The following GPC5 variants were observed in gnomAD, a reference collection of about 807,000 sequenced individuals.
The protein encoded by GPC5 is glypican-5.
Under a neutral mutation model 53.9 loss-of-function variants are expected in GPC5, and 47 were observed. That is an observed-to-expected ratio of 0.87 (90% CI 0.69 to 1.11). GPC5 has a LOEUF of 1.11. GPC5 is among the 50% of genes most tolerant of loss of function. GPC5 has a pLI of 0.00. For missense variants in GPC5, 748 were observed against 713.1 expected (o/e 1.05, Z -0.56); for synonymous variants, 286 against 263.3 (o/e 1.09, Z -0.84).
intron 7 of GPC5, among the ~76,000 whole-genome samples, chr13:92,474,756 C>T (rs1362151800): frequency 2.6e-5 from 4 of 151,982 alleles, no homozygotes; most frequent in Admixed American, 2.6e-4. Context: ...TTCAGAGTAA[C>T]ATAATCCCAA....
chr13:92,321,103 A>T (rs983876119), intron 7 of GPC5, among the ~76,000 whole-genome samples: 4 of 152,152 alleles, frequency 2.6e-5, no homozygotes, highest in Non-Finnish European at 5.9e-5. Flanking sequence ...TACTCAGGCT[A>T]CCTTTTAACA....
At chr13:91,496,591 T>A (rs186610290) in intron 2 of GPC5, among the ~76,000 whole-genome samples, 1 of 152,080 alleles carries the variant, frequency 6.6e-6, no homozygotes, top group Admixed American at 6.6e-5. Flanking sequence ...ATTGAACTTA[T>A]GGACATAGAG....
chr13:92,065,190 G>C (rs1368877690), intron 6 of GPC5, among the ~76,000 whole-genome samples: 2 of 152,066 alleles, frequency 1.3e-5, no homozygotes, highest in Non-Finnish European at 2.9e-5. Flanking sequence ...TAACCAAATA[G>C]TTATGAGTCT....
chr13:91,973,368 C>G (rs1842178879), intron 6 of GPC5, among the ~76,000 whole-genome samples: 1 of 152,140 alleles, frequency 6.6e-6, no homozygotes, highest in Non-Finnish European at 1.5e-5. Flanking sequence ...ATCCATTCGT[C>G]TAATTATTTT....
intron 7 of GPC5, among the ~76,000 whole-genome samples, chr13:92,813,742 A>C (rs567727113): frequency 6.6e-6 from 1 of 152,144 alleles, no homozygotes; most frequent in East Asian, 1.9e-4. Flanking sequence ...GAGTAAACAA[A>C]GAAGACCTAA....
chr13:92,074,536 T>A (rs1322613704), intron 6 of GPC5, among the ~76,000 whole-genome samples: 6 of 152,186 alleles, frequency 3.9e-5, no homozygotes, highest in Non-Finnish European at 8.8e-5. Context: ...GATATCATAG[T>A]TGGCCAGTAA....
chr13:92,229,751 G>T (rs895030082), intron 7 of GPC5, among the ~76,000 whole-genome samples: 2 of 151,948 alleles, frequency 1.3e-5, no homozygotes, highest in African/African-American at 4.8e-5. Context: ...CAGAGATACA[G>T]AAAAGTTAAT....
intron 5 of GPC5, among the ~76,000 whole-genome samples, chr13:91,770,113 A>G (rs977866848): frequency 6.6e-6 from 1 of 152,140 alleles, no homozygotes; most frequent in Non-Finnish European, 1.5e-5. Context: ...TCAGAGAAAC[A>G]CTTTACCTGT....
At chr13:92,051,725 T>C (rs2041031398) in intron 6 of GPC5, among the ~76,000 whole-genome samples, 1 of 152,194 alleles carries the variant, frequency 6.6e-6, no homozygotes, top group Non-Finnish European at 1.5e-5. Flanking sequence ...GGCATCAGGA[T>C]AACAAAGTGA....
At chr13:92,633,643 G>C (rs1885327321) in intron 7 of GPC5, among the ~76,000 whole-genome samples, 1 of 151,684 alleles carries the variant, frequency 6.6e-6, no homozygotes, top group Non-Finnish European at 1.5e-5. Flanking sequence ...CTTTTCTATT[G>C]ATTTTCACAA....
At position 91,428,652 on chromosome 13, in the gene GPC5, A is replaced by G. The variant is rs1333550797; in HGVS notation, c.164-20109A>G. Among the ~76,000 whole-genome samples, 3 of 152,124 alleles carry G rather than the reference A, an allele frequency of 2.0e-5. No individual in the cohort carries two copies. In the East Asian group the frequency reaches 5.8e-4, roughly 29 times the overall value. On this transcript the variant is annotated intron_variant, in intron 1 of 7. Coordinates refer to ENST00000377067, the MANE Select transcript of GPC5 (RefSeq NM_004466.6). ...CTACCTAGGAATTTGTCTGCCTCCT[A>G]TCGCTATCACTATTTAATTATTTGA...
At chr13:92,303,233 G>A (rs1300791449) in intron 7 of GPC5, among the ~76,000 whole-genome samples, 1 of 152,094 alleles carries the variant, frequency 6.6e-6, no homozygotes, top group South Asian at 2.1e-4. Context: ...AATGATCCTT[G>A]CTCTCAAGAG....
intron 7 of GPC5, among the ~76,000 whole-genome samples, chr13:92,342,847 G>A (rs1343538531): frequency 6.6e-6 from 1 of 151,950 alleles, no homozygotes; most frequent in African/African-American, 2.4e-5. Context: ...TTTAGCTTTG[G>A]TCAGAGATTC....
intron 7 of GPC5, among the ~76,000 whole-genome samples, chr13:92,159,534 T>G (rs1359879643): frequency 6.6e-6 from 1 of 151,238 alleles, no homozygotes; most frequent in Non-Finnish European, 1.5e-5. Flanking sequence ...GGTTATCCTA[T>G]CTCTTCCATT....
At chr13:91,531,122 G>A (rs1886321744) in intron 2 of GPC5, among the ~76,000 whole-genome samples, 1 of 152,180 alleles carries the variant, frequency 6.6e-6, no homozygotes, top group Non-Finnish European at 1.5e-5. Flanking sequence ...TACTGAAAGA[G>A]TAGTCTGACT....
At chr13:91,910,073 A>G (rs1255270784) in intron 6 of GPC5, among the ~76,000 whole-genome samples, 11 of 152,212 alleles carry the variant, frequency 7.2e-5, no homozygotes, top group South Asian at 4.1e-4. Context: ...CTAGAATTAT[A>G]TGATCAAAAT....
intron 2 of GPC5, among the ~76,000 whole-genome samples, chr13:91,578,372 T>G (rs1448598864): frequency 6.6e-6 from 1 of 152,352 alleles, no homozygotes; most frequent in East Asian, 1.9e-4. Flanking sequence ...AGGTAATGTC[T>G]TATGCAGCAC....
chr13:92,663,856 C>CTATATA lies in GPC5; in HGVS notation c.1562-202383_1562-202378dup, dbSNP rs201565650. Among the ~76,000 whole-genome samples, 203 of 88,264 alleles carry CTATATA rather than the reference C, an allele frequency of 2.3e-3. 2 individuals are homozygous for CTATATA. The highest frequency in any genetic ancestry group is 6.8e-3 in the Middle Eastern group (1 of 148). The allele number at this position is 88,264 out of a possible 152,430, so 57.9% of individuals were successfully genotyped here. ...CACTATATATATATACACACACACACTATATATATATATATATATATATAT... is the reference window on the plus strand; with the variant it reads ...CACTATATATATATACACACACACACTATATATATATATATATATATATATATATAT... On this transcript the variant is annotated intron_variant, in intron 7 of 7. Coordinates refer to ENST00000377067, the MANE Select transcript of GPC5 (RefSeq NM_004466.6).
intron 7 of GPC5, among the ~76,000 whole-genome samples, chr13:92,779,871 A>G (rs1175105896): frequency 2.0e-5 from 3 of 152,218 alleles, no homozygotes; most frequent in African/African-American, 7.2e-5. Flanking sequence ...ATTTAGAAAT[A>G]TTAATGCCAA....
Sources: gnomAD v4.1 joint callset for allele counts (sites outside exome capture counted in the v4.1 genomes callset) on GRCh38, gnomAD v4.1.1 for gene constraint, MANE v1.5 for transcripts, NCBI Gene and HGNC (gene_info 2026-07-23, HGNC 2026-07-21) for gene names.